Variants in KIF26B observed in about 807,000 individuals in gnomAD.
KIF26B encodes the protein kinesin family member 26B.
KIF26B carries 63 observed loss-of-function variants against 151.2 expected under a neutral mutation model. The ratio of observed to expected loss-of-function variants is 0.42; its 90% CI spans 0.34 to 0.51. KIF26B has a LOEUF of 0.51. KIF26B is among the 20% of genes least tolerant of loss of function. The pLI, the probability that KIF26B is intolerant of heterozygous loss-of-function variation, is 0.07. For missense variants in KIF26B, 2,813 were observed against 2,913.6 expected (o/e 0.97, Z 0.79); for synonymous variants, 1,357 against 1,262.1 (o/e 1.08, Z -1.59).
chr1:245,563,249 C>T lies in KIF26B; in HGVS notation c.1350+22299C>T, dbSNP rs930689729. The stretch of plus-strand genomic sequence containing the variant: ...TCAGATGTAAAATCCCCCATTTTAT[C>T]ACCGAACAACCTGTTTCCACCCATT... On this transcript the variant is annotated intron_variant, in intron 5 of 14. Transcript: ENST00000407071. The surrounding 1 kb of genome is among the most constrained non-coding windows in gnomAD (Gnocchi z 4.6). 5.9e-5 allele frequency among the ~76,000 whole-genome samples: 9 copies of T among 152,198 alleles called. No homozygotes were observed. Among genetic ancestry groups the T allele is most frequent in the Admixed American group, 2.6e-4 (4 of 15,272 alleles).
At chr1:245,347,380 A>G (rs909969272) in intron 2 of KIF26B, among the ~76,000 whole-genome samples, 4 of 151,880 alleles carry the variant, frequency 2.6e-5, no homozygotes, top group East Asian at 3.9e-4. Context: ...TGGCGTAACC[A>G]CAGCTCACTG....
intron 2 of KIF26B, among the ~76,000 whole-genome samples, chr1:245,219,871 A>G (rs897618103): frequency 2.0e-5 from 3 of 152,324 alleles, no homozygotes; most frequent in Admixed American, 1.3e-4. Context: ...GGGACAGAGC[A>G]CTGACTCCCA....
At chr1:245,339,133 A>G (rs556029268) in intron 2 of KIF26B, among the ~76,000 whole-genome samples, 1 of 151,882 alleles carries the variant, frequency 6.6e-6, no homozygotes, top group Non-Finnish European at 1.5e-5. Context: ...CTGTGCCACC[A>G]CGCCTGGCTA....
At chr1:245,417,389 A>G (rs1037396926) in intron 3 of KIF26B, among the ~76,000 whole-genome samples, 1 of 152,106 alleles carries the variant, frequency 6.6e-6, no homozygotes, top group Admixed American at 6.5e-5. Context: ...CTATTCCTAG[A>G]TACAAATTGG....
rs1198759125 is a variant in KIF26B, at chr1:245,708,319, G to A, written c.*5713G>A. ...CTGGGGGTAATCATTTACAGATGAAGAAACTGAAGTCTAGTCATTGACTGG... is the reference window on the plus strand; with the variant it reads ...CTGGGGGTAATCATTTACAGATGAAAAAACTGAAGTCTAGTCATTGACTGG... On this transcript the variant is annotated 3_prime_UTR_variant, in exon 15 of 15. Coordinates refer to ENST00000407071, the MANE Select transcript of KIF26B (RefSeq NM_018012.4). The A allele has an allele frequency of 1.3e-5, 2 of 152,232 alleles. No individual in the cohort carries two copies. The highest frequency in any genetic ancestry group is 2.4e-5 in the African/African-American group (1 of 41,454). The allele number at this position is 152,232 out of a possible 1,614,324, so 9.4% of individuals were successfully genotyped here.
intron 8 of KIF26B, among the ~76,000 whole-genome samples, chr1:245,611,422 G>A (rs1226051217): frequency 3.3e-5 from 5 of 152,120 alleles, no homozygotes; most frequent in South Asian, 2.1e-4. Context: ...CAGTCACATC[G>A]CTCCTGTTTT....
At chr1:245,607,507 A>G (rs1286476691) in intron 6 of KIF26B, 144 bp from the exon 7 acceptor site, 5 of 619,554 alleles carry the variant, frequency 8.1e-6, no homozygotes, top group African/African-American at 1.8e-5. Context: ...AGCATCTCCA[A>G]AACTTCACGA....
At chr1:245,393,928 G>C (rs1356466146) in intron 3 of KIF26B, among the ~76,000 whole-genome samples, 2 of 152,146 alleles carry the variant, frequency 1.3e-5, no homozygotes, top group African/African-American at 4.8e-5. Flanking sequence ...CAGCTACCTG[G>C]GGGAGGGGAA....
At chr1:245,436,052 C>A (rs2103044343) in intron 4 of KIF26B, among the ~76,000 whole-genome samples, 1 of 152,008 alleles carries the variant, frequency 6.6e-6, no homozygotes, top group South Asian at 2.1e-4. Flanking sequence ...TGGTGCGCAC[C>A]TGGAATCCGA....
chr1:245,662,357 T>C (rs1339475902), intron 10 of KIF26B, among the ~76,000 whole-genome samples: 1 of 142,154 alleles, frequency 7.0e-6, no homozygotes, highest in Non-Finnish European at 1.5e-5. Context: ...TATATATATA[T>C]ACACCCAGTG....
At chr1:245,685,356 G>A in intron 11 of KIF26B, 49 bp from the exon 12 acceptor site, 3 of 1,473,074 alleles carry the variant, frequency 2.0e-6, no homozygotes, top group Non-Finnish European at 1.9e-6. Context: ...GGGCTCCCGG[G>A]GAAACTGCCA....
rs61831276 is a variant in KIF26B, at chr1:245,684,320, C to A, written c.2346C>A (p.Val782=). The A allele has an allele frequency of 6.2e-7, 1 of 1,613,840 alleles. No homozygotes were observed. Among genetic ancestry groups the A allele is most frequent in the Non-Finnish European group, 8.5e-7 (1 of 1,179,842 alleles). The change falls in exon 11 of 15, where the codon GTC becomes GTA. Residue 782 remains valine (V), a synonymous_variant. Coordinates refer to ENST00000407071, the MANE Select transcript of KIF26B (RefSeq NM_018012.4). The part of the protein sequence containing the change: ...TTMIAHISAA[V]GSYAETLSTI... Reference sequence around the variant, plus strand: ...TGATCGCGCACATCTCGGCCGCGGTCGGGAGCTACGCGGAGACCCTGTCCA... The same window carrying A: ...TGATCGCGCACATCTCGGCCGCGGTAGGGAGCTACGCGGAGACCCTGTCCA...
chr1:245,681,423 A>G (rs1050951010), intron 10 of KIF26B, among the ~76,000 whole-genome samples: 25 of 151,946 alleles, frequency 1.6e-4, no homozygotes, highest in Admixed American at 9.2e-4. Flanking sequence ...GTTAGCCAGG[A>G]TGTTCTTGAT....
At chr1:245,498,381 G>A (rs75322932) in intron 4 of KIF26B, among the ~76,000 whole-genome samples, 225 of 152,216 alleles carry the variant, frequency 1.5e-3, no homozygotes, top group Non-Finnish European at 2.3e-3. Flanking sequence ...CATTGACTCC[G>A]CCAGCAAACA....
rs762051944 is a variant in KIF26B, at chr1:245,602,614, G to T, written c.1388G>T (p.Arg463Leu). Residue 463 changes from arginine (R) to leucine (L), a missense_variant, in exon 6 of 15, where the codon CGA becomes CTA. By Grantham distance (102) the Arg-to-Leu change is moderately radical. Coordinates refer to ENST00000407071, the MANE Select transcript of KIF26B (RefSeq NM_018012.4). This position sits in a 1 kb window ranked among gnomAD's most constrained non-coding sequence, Gnocchi z 4.5. The part of the protein sequence containing the change: ...VMLRICSTLA[R>L]DTSESSSFLK... The stretch of plus-strand genomic sequence containing the variant: ...CTTCGCATCTGTTCCACCTTGGCTC[G>T]AGATACTTCAGAATCCAGCTCTTTC... 1.3e-5 allele frequency: 21 copies of T among 1,613,660 alleles called. No individual in the cohort carries two copies. The highest frequency in any genetic ancestry group is 2.7e-5 in the African/African-American group (2 of 74,914).
chr1:245,242,506 A>C (rs1169528530), intron 2 of KIF26B, among the ~76,000 whole-genome samples: 3 of 152,196 alleles, frequency 2.0e-5, no homozygotes, highest in Admixed American at 2.0e-4. Context: ...TGGACTAATA[A>C]AAAGTTGTAT....
In KIF26B at chr1:245,688,602, C is replaced by T. The variant is rs755340801; in HGVS notation, c.5619C>T (p.Ser1873=). 6.3e-7 allele frequency: 1 copy of T among 1,585,024 alleles called. No individual in the cohort carries two copies. The change falls in exon 12 of 15, where the codon AGC becomes AGT. Residue 1873 remains serine (S), a synonymous_variant. Coordinates refer to ENST00000407071, the MANE Select transcript of KIF26B (RefSeq NM_018012.4). ...GCGGCCACGGCAGCGACAACAGCAG[C>T]GTGCTGAGCGGGGAGCTCCCGCCGG... ...CSSGHGSDNS[S]VLSGELPPAM...
chr1:245,419,763 A>G lies in KIF26B; in HGVS notation c.1166+18A>G. The G allele has an allele frequency of 6.3e-7, 1 of 1,594,050 alleles. No individual in the cohort carries two copies. The highest frequency in any genetic ancestry group is 1.7e-5 in the Admixed American group (1 of 57,810). ...TTTGCACGGTAAGAGAGCTGTTCAG[A>G]TCCTTGGTTCTTTCCGATGAGCCCA... On this transcript the variant is annotated intron_variant, in intron 4 of 14. Transcript: ENST00000407071.
chr1:245,156,773 G>T (rs1668444466), intron 2 of KIF26B, 90 bp downstream of exon 2: 1 of 814,996 alleles, frequency 1.2e-6, no homozygotes, highest in Non-Finnish European at 1.7e-6. Flanking sequence ...CCGCGACCTT[G>T]CGCGCCGGCT....
Sources: allele counts gnomAD v4.1 joint callset (sites outside exome capture counted in the v4.1 genomes callset), GRCh38; gene constraint gnomAD v4.1.1; non-coding constraint Gnocchi (gnomAD v3.1); transcripts MANE v1.5; gene names NCBI Gene and HGNC (gene_info 2026-07-23, HGNC 2026-07-21).